TDP1: variants seen among roughly 807,000 people sequenced by gnomAD.
TDP1 encodes the protein tyr-DNA phosphodiesterase 1.
A neutral mutation model predicts 81.5 loss-of-function variants in TDP1; 64 were observed. The ratio of observed to expected loss-of-function variants is 0.79; its 90% CI spans 0.64 to 0.97. The LOEUF (loss-of-function observed/expected upper bound fraction) is 0.97. Ranked by LOEUF, TDP1 falls within the 50% of genes least tolerant of loss-of-function variation. The pLI, the probability that TDP1 is intolerant of heterozygous loss-of-function variation, is 0.00. For missense variants in TDP1, 723 were observed against 743.8 expected, an observed-to-expected ratio of 0.97 and a Z score of 0.33; for synonymous variants, 256 against 264.3, an observed-to-expected ratio of 0.97 and a Z score of 0.30.
At chr14:89,964,789 C>A in intron 3 of TDP1, 1 of 385,252 alleles carries the variant, frequency 2.6e-6, no homozygotes, top group South Asian at 1.9e-5. Flanking sequence ...CGGCAATTAG[C>A]ACCAAGGTAT....
chr14:89,981,672 G>A (rs986569244), intron 8 of TDP1: 4 of 301,092 alleles, frequency 1.3e-5, no homozygotes, highest in African/African-American at 2.3e-5. Flanking sequence ...GCTCTGCTGA[G>A]CCCAGGTTAC....
intron 14 of TDP1, among the ~76,000 whole-genome samples, chr14:89,997,983 T>C (rs1896785237): frequency 6.6e-6 from 1 of 152,132 alleles, no homozygotes; most frequent in Non-Finnish European, 1.5e-5. Flanking sequence ...CAAAGAAGTG[T>C]GTTTATGTAT....
rs138135786 is a variant in TDP1 at position 89,989,022 on chromosome 14, A to G, written c.1249A>G (p.Lys417Glu). The G allele has an allele frequency of 1.8e-5, 29 of 1,614,048 alleles. No homozygotes were observed. In the African/African-American group the frequency reaches 1.9e-4, roughly 10 times the overall value. ...ATCAAAGTGGTTATGTTCTGAGTTT[A>G]AAGAGAGCATGCTGACACTGGGGAA... is the stretch of plus-strand genomic sequence containing the variant. ...DESKWLCSEFKESMLTLGKES... is the reference protein window; with the variant it reads ...DESKWLCSEFEESMLTLGKES... Residue 417 changes from lysine to glutamate, a missense_variant, in exon 11 of 17, where the codon AAA becomes GAA. Transcript: ENST00000335725.
At chr14:90,031,878 G>A (rs899588734) in intron 15 of TDP1, among the ~76,000 whole-genome samples, 1 of 152,026 alleles carries the variant, frequency 6.6e-6, no homozygotes, top group South Asian at 2.1e-4. Context: ...CTGATCACCC[G>A]CTCCTGCCAA....
chr14:89,993,442 T>G lies in TDP1; in HGVS notation c.1500T>G (p.Pro500=). 6.2e-7 allele frequency: 1 copy of G among 1,613,926 alleles called. No individual in the cohort carries two copies. Residue 500 remains proline (P), a synonymous_variant, in exon 14 of 17, where the codon CCT becomes CCG. Coordinates refer to ENST00000335725, the MANE Select transcript of TDP1 (RefSeq NM_018319.4). ...CACATATTAAGACATATATGAGGCCTTCTCCAGACTTCAGTAAAATTGCTT... is the reference window on the plus strand; with the variant it reads ...CACATATTAAGACATATATGAGGCCGTCTCCAGACTTCAGTAAAATTGCTT... ...AMPHIKTYMR[P]SPDFSKIAWF... is the part of the protein sequence containing the mutation.
rs1239816199 is a variant in TDP1 at position 89,993,371 on chromosome 14, A to C, written c.1434-5A>C. The C allele has an allele frequency of 6.2e-7, 1 of 1,611,022 alleles. No individual in the cohort carries two copies. Among genetic ancestry groups the C allele is most frequent in the Admixed American group, 1.7e-5 (1 of 59,956 alleles). On this transcript the variant is annotated splice_polypyrimidine_tract_variant and splice_region_variant and intron_variant, in intron 13 of 16. Transcript: ENST00000335725. ...ATTAGTAACTTTTGTCTTTTCTGTC[A>C]CTAGCAAATGGTCAGCTGAGACTTC... is the stretch of plus-strand genomic sequence containing the variant.
chr14:89,966,233 A>G (rs1892932134), intron 4 of TDP1, 43 bp downstream of exon 4: 12 of 1,318,846 alleles, frequency 9.1e-6, no homozygotes, highest in Non-Finnish European at 1.3e-5. Flanking sequence ...GTGAAAGTAG[A>G]CAGGTAATTA....
chr14:90,007,134 C>G (rs950345345), intron 14 of TDP1, among the ~76,000 whole-genome samples: 2 of 152,194 alleles, frequency 1.3e-5, no homozygotes, highest in African/African-American at 2.4e-5. Context: ...TTCCCGGTAG[C>G]CCTGTCCTTT....
At chr14:90,006,273 G>T (rs960467379) in intron 14 of TDP1, among the ~76,000 whole-genome samples, 1 of 151,884 alleles carries the variant, frequency 6.6e-6, no homozygotes, top group Non-Finnish European at 1.5e-5. Flanking sequence ...TTCTTTTCTT[G>T]CTGGCTTTTC....
At chr14:90,010,083 A>G (rs1032880828) in intron 14 of TDP1, among the ~76,000 whole-genome samples, 1 of 152,236 alleles carries the variant, frequency 6.6e-6, no homozygotes, top group Non-Finnish European at 1.5e-5. Flanking sequence ...AGTACATAAG[A>G]CATAAAATGC....
At chr14:90,033,625 T>C (rs1032095973) in intron 16 of TDP1, 5 of 256,170 alleles carry the variant, frequency 2.0e-5, no homozygotes, top group African/African-American at 1.1e-4. Context: ...AATTGTTGAC[T>C]ATCTCATAGA....
chr14:89,985,755 G>T (rs1186339140), intron 10 of TDP1, among the ~76,000 whole-genome samples: 1 of 152,168 alleles, frequency 6.6e-6, no homozygotes, highest in African/African-American at 2.4e-5. Flanking sequence ...CTGGCCAGGT[G>T]TGGTGGCTCA....
intron 16 of TDP1, among the ~76,000 whole-genome samples, chr14:90,036,618 T>G (rs1377792276): frequency 6.6e-6 from 1 of 152,154 alleles, no homozygotes; most frequent in East Asian, 1.9e-4. Context: ...AGTTACTGTT[T>G]ATTCATTCTC....
In TDP1 at chr14:89,993,361, CT is replaced by C. The variant is rs2140137354; in HGVS notation, c.1434-11del. The C allele has an allele frequency of 1.2e-6, 2 of 1,603,692 alleles. No individual in the cohort carries two copies. The highest frequency in any genetic ancestry group is 1.7e-6 in the Non-Finnish European group (2 of 1,171,018). On this transcript the variant is annotated splice_polypyrimidine_tract_variant and intron_variant, in intron 13 of 16. Coordinates refer to ENST00000335725, the MANE Select transcript of TDP1 (RefSeq NM_018319.4). ...TTATTTCATAATTAGTAACTTTTGT[CT>C]TTTCTGTCACTAGCAAATGGTCAGC...
intron 14 of TDP1, among the ~76,000 whole-genome samples, chr14:90,005,600 G>C (rs1316307096): frequency 4.6e-5 from 7 of 152,140 alleles, no homozygotes; most frequent in Admixed American, 2.0e-4. Flanking sequence ...AGCAGATGGT[G>C]TTAAGTCCTT....
chr14:90,025,555 T>G (rs891373430), intron 15 of TDP1, among the ~76,000 whole-genome samples: 2 of 152,210 alleles, frequency 1.3e-5, no homozygotes, highest in African/African-American at 4.8e-5. Flanking sequence ...CAGTACTTAG[T>G]GATGTTTGGT....
chr14:90,036,257 T>C (rs1253653637), intron 16 of TDP1, among the ~76,000 whole-genome samples: 1 of 152,218 alleles, frequency 6.6e-6, no homozygotes, highest in African/African-American at 2.4e-5. Flanking sequence ...CTCAGTTGCA[T>C]GTAGGATAAT....
chr14:89,958,477 G>C (rs546052530), intron 2 of TDP1: 1 of 152,390 alleles, frequency 6.6e-6, no homozygotes, highest in African/African-American at 2.4e-5. Context: ...ACCCCAAGGT[G>C]GGCAGTTCGC....
intron 3 of TDP1, 130 bp downstream of exon 3, chr14:89,963,803 A>G (rs771502689): frequency 1.8e-5 from 20 of 1,082,806 alleles, no homozygotes; most frequent in Non-Finnish European, 2.5e-5. Flanking sequence ...TTCAGGAAAA[A>G]AATTCTTGAC....
Sources: allele counts gnomAD v4.1 joint callset (sites outside exome capture counted in the v4.1 genomes callset), GRCh38; gene constraint gnomAD v4.1.1; transcripts MANE v1.5; gene names NCBI Gene and HGNC (gene_info 2026-07-23, HGNC 2026-07-21).